Variants in SMG1 observed in about 807,000 individuals in gnomAD.
SMG1 encodes the protein SMG1 nonsense mediated mRNA decay associated PI3K related kinase.
SMG1 carries 22 observed loss-of-function variants against 419.9 expected under a neutral mutation model. That is an observed-to-expected ratio of 0.05 (90% confidence interval 0.04 to 0.07). The LOEUF is 0.07. Ranked by LOEUF, SMG1 falls within the 10% of genes least tolerant of loss-of-function variation. The pLI is 1.00. For synonymous variants in SMG1, 1,538 were observed against 1,553.5 expected, an observed-to-expected ratio of 0.99 and a Z score of 0.23; for missense variants, 3,185 against 4,342.0, an observed-to-expected ratio of 0.73 and a Z score of 7.49.
chr16:18,856,300 C>CT (rs2034898944), intron 29 of SMG1: 1 of 147,350 alleles, frequency 6.8e-6, no homozygotes, highest in African/African-American at 2.5e-5. Flanking sequence ...GCAGCTGGGA[C>CT]TATAGGCACA....
intron 60 of SMG1, 96 bp downstream of exon 60, chr16:18,815,079 T>A: frequency 1.3e-6 from 1 of 785,022 alleles, no homozygotes. Context: ...ATGACAGGCC[T>A]TAAGTGTTTA....
chr16:18,920,903 C>T (rs1205352445), intron 1 of SMG1, among the ~76,000 whole-genome samples: 2 of 151,852 alleles, frequency 1.3e-5, no homozygotes, highest in East Asian at 1.9e-4. Context: ...TTTGGGAGGC[C>T]GAAGCCGGTG....
intron 54 of SMG1, 57 bp from the exon 55 acceptor site, chr16:18,828,225 T>TA (rs2141193217): frequency 6.4e-7 from 1 of 1,566,750 alleles, no homozygotes; most frequent in African/African-American, 1.4e-5. Context: ...TTTAGATAAA[T>TA]AAGGGAAGGG....
intron 6 of SMG1, among the ~76,000 whole-genome samples, chr16:18,886,427 C>G (rs2141756517): frequency 6.6e-6 from 1 of 152,240 alleles, no homozygotes; most frequent in South Asian, 2.1e-4. Flanking sequence ...TATTTTGCAG[C>G]TGTTAGAAAA....
At chr16:18,837,026 C>T (rs946141201) in intron 46 of SMG1, among the ~76,000 whole-genome samples, 1 of 152,090 alleles carries the variant, frequency 6.6e-6, no homozygotes, top group Non-Finnish European at 1.5e-5. Context: ...ACCACTACAC[C>T]CACCTATCTC....
At chr16:18,816,017 T>C (rs2031969134) in intron 58 of SMG1, 6 of 468,584 alleles carry the variant, frequency 1.3e-5, no homozygotes. Flanking sequence ...AAGCTGGATA[T>C]CTGAATGCTC....
intron 1 of SMG1, among the ~76,000 whole-genome samples, chr16:18,904,552 C>T (rs2037482739): frequency 6.6e-6 from 1 of 151,794 alleles, no homozygotes; most frequent in South Asian, 2.1e-4. Flanking sequence ...GCAGGGGAAT[C>T]GTTTGAACCC....
At chr16:18,857,194 T>C (rs922417146) in intron 29 of SMG1, 2 of 152,224 alleles carry the variant, frequency 1.3e-5, no homozygotes, top group Non-Finnish European at 2.9e-5. Flanking sequence ...TTAGCTTACA[T>C]TGACATTTAA....
chr16:18,871,139 C>T (rs1488476066), intron 16 of SMG1, among the ~76,000 whole-genome samples: 4 of 151,992 alleles, frequency 2.6e-5, no homozygotes, highest in Non-Finnish European at 4.4e-5. Context: ...AAAGTATATG[C>T]AAACTATAAA....
rs2030694790 is a variant in SMG1 at position 18,805,006 on chromosome 16, C to T, written c.*4563G>A. 1 of 152,594 alleles carries T rather than the reference C, an allele frequency of 6.6e-6. No individual in the cohort carries two copies. Among genetic ancestry groups the T allele is most frequent in the Non-Finnish European group, 1.5e-5 (1 of 68,034 alleles). The allele number at this position is 152,594 out of a possible 1,614,324, so 9.5% of individuals were successfully genotyped here. Reference sequence around the variant, plus strand: ...TTTCAGGAAGCTGGTGTGATTTATTCAACTTTTAAATACAATCACAAAATT... The same window carrying T: ...TTTCAGGAAGCTGGTGTGATTTATTTAACTTTTAAATACAATCACAAAATT... On this transcript the variant is annotated 3_prime_UTR_variant, in exon 63 of 63. Coordinates refer to ENST00000446231, the MANE Select transcript of SMG1 (RefSeq NM_015092.5).
chr16:18,869,001 CA>C, intron 20 of SMG1, 102 bp downstream of exon 20: 4 of 1,068,350 alleles, frequency 3.7e-6, no homozygotes, highest in Non-Finnish European at 5.5e-6. Flanking sequence ...TGACTTTTTT[CA>C]AAAAAATCAT....
At chr16:18,812,561 TACATATATATACACAC>T (rs1179602943) in intron 60 of SMG1, among the ~76,000 whole-genome samples, 7 of 150,856 alleles carry the variant, frequency 4.6e-5, no homozygotes, top group Non-Finnish European at 1.0e-4. Context: ...TATATATATA[TACATATATATACACAC>T]ACATATATAT....
At position 18,866,829 on chromosome 16, in the gene SMG1, C is replaced by T. The variant is rs2141550259; in HGVS notation, c.3196-54G>A. 2.0e-5 allele frequency: 31 copies of T among 1,516,870 alleles called. No homozygotes were observed. The South Asian group carries it at 3.5e-4, about 17-fold the overall frequency. 94.0% of individuals were successfully genotyped at this position (1,516,870 alleles called of 1,614,324 possible). ...CCCAATACCATTAAAACATAAATCC[C>T]TATAAAATTTACAACTGATCAGTCT... On this transcript the variant is annotated intron_variant, in intron 22 of 62. Transcript: ENST00000446231.
rs976342182 is a variant in SMG1, at chr16:18,819,065, C to A, written c.9894+437G>T. The stretch of plus-strand genomic sequence containing the variant: ...AACTCCTGACCTTGTGATCCACCCA[C>A]CTCAGCCTCCCAAAGTGCTGGGATT... On this transcript the variant is annotated intron_variant, in intron 56 of 62. Transcript: ENST00000446231. Among the ~76,000 whole-genome samples, 3 of 152,042 alleles carry A rather than the reference C, an allele frequency of 2.0e-5. No homozygotes were observed. The East Asian group carries it at 5.8e-4, about 29-fold the overall frequency.
intron 62 of SMG1, 85 bp downstream of exon 62, chr16:18,811,676 A>C (rs2031413210): frequency 8.7e-7 from 1 of 1,153,392 alleles, no homozygotes; most frequent in South Asian, 1.3e-5. Context: ...ATGAACTATT[A>C]AGGAAATCGA....
intron 10 of SMG1, among the ~76,000 whole-genome samples, chr16:18,880,823 C>T (rs1167204356): frequency 6.6e-6 from 1 of 151,290 alleles, no homozygotes; most frequent in Non-Finnish European, 1.5e-5. Context: ...TGCTTGAGGC[C>T]AAAAGTTCAA....
At chr16:18,919,316 G>A (rs189439959) in intron 1 of SMG1, among the ~76,000 whole-genome samples, 1 of 149,620 alleles carries the variant, frequency 6.7e-6, no homozygotes, top group Admixed American at 6.7e-5. Flanking sequence ...AACACAGTGA[G>A]ACCCCATCTC....
intron 60 of SMG1, among the ~76,000 whole-genome samples, chr16:18,812,672 A>G (rs540257654): frequency 9.3e-4 from 142 of 151,976 alleles, no homozygotes; most frequent in African/African-American, 3.1e-3. Flanking sequence ...ATATATATAT[A>G]CACACACATT....
At chr16:18,844,682 G>T (rs1028163449) in intron 39 of SMG1, among the ~76,000 whole-genome samples, 2 of 151,086 alleles carry the variant, frequency 1.3e-5, no homozygotes, top group Non-Finnish European at 3.0e-5. Flanking sequence ...TTAGCACCTT[G>T]CATTTGCTAA....
Sources: gnomAD v4.1 joint callset for allele counts (sites outside exome capture counted in the v4.1 genomes callset) on GRCh38, gnomAD v4.1.1 for gene constraint, MANE v1.5 for transcripts, NCBI Gene and HGNC (gene_info 2026-07-23, HGNC 2026-07-21) for gene names.